ZSWIM8: variants seen among roughly 807,000 people sequenced by gnomAD.
The protein encoded by ZSWIM8 is zinc finger SWIM domain-containing protein 8.
Under a neutral mutation model 173.7 loss-of-function variants are expected in ZSWIM8, and 27 were observed. That is an observed-to-expected ratio of 0.16 (90% CI 0.11 to 0.21). The LOEUF (loss-of-function observed/expected upper bound fraction) is 0.21, where lower values mean the gene tolerates loss of function less well. Among genes scored for constraint, ZSWIM8 ranks in the 10% least tolerant of loss-of-function variants. ZSWIM8 has a pLI of 1.00. For missense variants in ZSWIM8, 1,627 were observed against 2,428.8 expected (o/e 0.67, Z 6.94); for synonymous variants, 958 against 962.0 (o/e 1.00, Z 0.08).
chr10:73,798,283 G>C lies in ZSWIM8; in HGVS notation c.4006G>C (p.Asp1336His). ...CCTGACTATACTGGTAGAATGCTGGGATGGGCACCTGACACCCCCTGAGGT... is the reference window on the plus strand; with the variant it reads ...CCTGACTATACTGGTAGAATGCTGGCATGGGCACCTGACACCCCCTGAGGT... ...AALTILVECW[D>H]GHLTPPEVAS... Residue 1336 changes from aspartate to histidine, a missense_variant, in exon 20 of 26, where the codon GAT (aspartate) becomes CAT (histidine). Physicochemically the swap from Asp to His is moderately conservative, Grantham distance 81 (BLOSUM62 -1). Transcript: ENST00000604729. 1 of 1,614,056 alleles carries C rather than the reference G, an allele frequency of 6.2e-7. No individual in the cohort carries two copies. Among genetic ancestry groups the C allele is most frequent in the Non-Finnish European group, 8.5e-7 (1 of 1,179,904 alleles).
rs1326242091 is a variant in ZSWIM8 at position 73,795,620 on chromosome 10, C to T, written c.2990C>T (p.Ala997Val). The change falls in exon 15 of 26, where the codon GCA (alanine) becomes GTA (valine). Residue 997 changes from alanine to valine, a missense_variant. By Grantham distance (64) the Ala-to-Val change is moderately conservative. Coordinates refer to ENST00000604729, the MANE Select transcript of ZSWIM8 (RefSeq NM_001367799.1). The stretch of plus-strand genomic sequence containing the variant: ...CGGGAGAAGGGTGACCTGGCATTAG[C>T]ACTAATGATCACTTACAAGGACGAC... ...TRREKGDLAL[A>V]LMITYKDDQA... 48 of 1,613,702 alleles carry T rather than the reference C, an allele frequency of 3.0e-5. No individual in the cohort carries two copies. Among genetic ancestry groups the T allele is most frequent in the Non-Finnish European group, 4.0e-5 (47 of 1,179,870 alleles).
intron 6 of ZSWIM8, 30 bp downstream of exon 6, chr10:73,790,067 G>A: frequency 6.2e-7 from 1 of 1,609,812 alleles, no homozygotes; most frequent in Non-Finnish European, 8.5e-7. Context: ...TTGGCAGTAG[G>A]AAGAAAGCCA....
At position 73,791,714 on chromosome 10, in the gene ZSWIM8, C is replaced by G; in HGVS notation, c.1320-145C>G. 1 of 1,270,716 alleles carries G rather than the reference C, an allele frequency of 7.9e-7. No individual in the cohort carries two copies. 78.7% of individuals were successfully genotyped at this position (1,270,716 alleles called of 1,614,324 possible). On this transcript the variant is annotated intron_variant, in intron 9 of 25. Transcript: ENST00000604729. This position sits in a 1 kb window ranked among gnomAD's most constrained non-coding sequence, Gnocchi z 6.0. ...ATAACACCCACTTTTCAAAATTCTC[C>G]AGTGTTTCAGTGATGCTTATGGGGC...
At chr10:73,796,662 C>G in intron 15 of ZSWIM8, 112 bp from the exon 16 acceptor site, 1 of 1,448,774 alleles carries the variant, frequency 6.9e-7, no homozygotes, top group Non-Finnish European at 9.2e-7. Context: ...GGGGAAGGCT[C>G]CCTGAGGATG....
At position 73,800,154 on chromosome 10, in the gene ZSWIM8, G is replaced by C. The variant is rs978203880; in HGVS notation, c.4809G>C (p.Leu1603=). 11 of 1,613,636 alleles carry C rather than the reference G, an allele frequency of 6.8e-6. No homozygotes were observed. In the East Asian group the frequency reaches 2.2e-4, roughly 33 times the overall value. ...HPYHTEPGLP[L]PTSVALSSVH... Reference sequence around the variant, plus strand: ...ACCACACAGAGCCAGGGCTTCCACTGCCCACCAGTGTGGCCTGTGAGTTGT... The same window carrying C: ...ACCACACAGAGCCAGGGCTTCCACTCCCCACCAGTGTGGCCTGTGAGTTGT... The change falls in exon 22 of 26, where the codon CTG becomes CTC. Residue 1603 remains leucine (L), a synonymous_variant. Coordinates refer to ENST00000604729, the MANE Select transcript of ZSWIM8 (RefSeq NM_001367799.1). This position sits in a 1 kb window ranked among gnomAD's most constrained non-coding sequence, Gnocchi z 4.1.
intron 21 of ZSWIM8, chr10:73,799,775 T>G: frequency 1.6e-6 from 1 of 625,822 alleles, no homozygotes. Flanking sequence ...TACTAAAAAT[T>G]AGCTGAGTGC....
chr10:73,793,441 C>CT, intron 10 of ZSWIM8, 147 bp from the exon 11 acceptor site: 3 of 827,044 alleles, frequency 3.6e-6, no homozygotes. Context: ...GTTTATGTGT[C>CT]TGTCTTTCTA....
In ZSWIM8 at chr10:73,785,610, G is replaced by A. The variant is rs546282195; in HGVS notation, c.-269G>A. 2 of 545,886 alleles carry A rather than the reference G, an allele frequency of 3.7e-6. No individual in the cohort carries two copies. Among genetic ancestry groups the A allele is most frequent in the African/African-American group, 2.0e-5 (1 of 50,168 alleles). The allele number at this position is 545,886 out of a possible 1,614,324, so 33.8% of individuals were successfully genotyped here. A position where few individuals can be genotyped will look rare whatever the true frequency, so the allele number is the denominator to read the frequency against. ...TGATGGGGGAGGCGGCTCCGCAGCC[G>A]CCTAGAGGCCCCAGCCGCCGAGCGC... On this transcript the variant is annotated 5_prime_UTR_variant, in exon 1 of 26. Coordinates refer to ENST00000604729, the MANE Select transcript of ZSWIM8 (RefSeq NM_001367799.1).
At position 73,792,945 on chromosome 10, in the gene ZSWIM8, A is replaced by G; in HGVS notation, c.2313+93A>G. On this transcript the variant is annotated intron_variant, in intron 10 of 25. Transcript: ENST00000604729. This position sits in a 1 kb window ranked among gnomAD's most constrained non-coding sequence, Gnocchi z 4.3. ...AGTTGGGAGTGTCAGGACCATCAGC[A>G]GGATTGTGAGAACCCTGTTGCAGGC... 8.3e-6 allele frequency: 12 copies of G among 1,437,786 alleles called. No individual in the cohort carries two copies. The highest frequency in any genetic ancestry group is 1.1e-5 in the Non-Finnish European group (12 of 1,080,874). 89.1% of individuals were successfully genotyped at this position (1,437,786 alleles called of 1,614,324 possible).
At position 73,798,988 on chromosome 10, in the gene ZSWIM8, C is replaced by T. The variant is rs1209734754; in HGVS notation, c.4177-14C>T. ...GGCCTTTCCCCCTTAACACTCTGTG[C>T]CCCTCTCTTCCAGGACAACCTGATG... On this transcript the variant is annotated splice_polypyrimidine_tract_variant and intron_variant, in intron 20 of 25. Coordinates refer to ENST00000604729, the MANE Select transcript of ZSWIM8 (RefSeq NM_001367799.1). 2 of 1,596,794 alleles carry T rather than the reference C, an allele frequency of 1.3e-6. No individual in the cohort carries two copies. Among genetic ancestry groups the T allele is most frequent in the South Asian group, 1.1e-5 (1 of 88,094 alleles).
In ZSWIM8 at chr10:73,801,526, C is replaced by T. The variant is rs528046417; in HGVS notation, c.*7C>T. Reference sequence around the variant, plus strand: ...GGCCACCTTCTCCCCCTGAGTCTTTCACCCTTAGGGTCCTATACAGGGACC... The same window carrying T: ...GGCCACCTTCTCCCCCTGAGTCTTTTACCCTTAGGGTCCTATACAGGGACC... On this transcript the variant is annotated 3_prime_UTR_variant, in exon 26 of 26. Coordinates refer to ENST00000604729, the MANE Select transcript of ZSWIM8 (RefSeq NM_001367799.1). This position sits in a 1 kb window ranked among gnomAD's most constrained non-coding sequence, Gnocchi z 4.9. The T allele has an allele frequency of 1.2e-6, 2 of 1,613,484 alleles. No individual in the cohort carries two copies. Among genetic ancestry groups the T allele is most frequent in the East Asian group, 4.5e-5 (2 of 44,874 alleles).
rs1019210569 is a variant in ZSWIM8, at chr10:73,793,535, C to T, written c.2314-53C>T. The T allele has an allele frequency of 8.5e-6, 13 of 1,525,460 alleles. No individual in the cohort carries two copies. In the South Asian group the frequency reaches 1.7e-4, roughly 20 times the overall value. 94.5% of individuals were successfully genotyped at this position (1,525,460 alleles called of 1,614,324 possible). ...TGGCTGCATGAGTGAGCATGATGTCCTGCTCCTGGAAGTTGGGACTTTAAC... is the reference window on the plus strand; with the variant it reads ...TGGCTGCATGAGTGAGCATGATGTCTTGCTCCTGGAAGTTGGGACTTTAAC... On this transcript the variant is annotated intron_variant, in intron 10 of 25. Coordinates refer to ENST00000604729, the MANE Select transcript of ZSWIM8 (RefSeq NM_001367799.1).
At position 73,800,730 on chromosome 10, in the gene ZSWIM8, A is replaced by G. The variant is rs2083908027; in HGVS notation, c.5093A>G (p.Lys1698Arg). 1 of 1,613,392 alleles carries G rather than the reference A, an allele frequency of 6.2e-7. No homozygotes were observed. Among genetic ancestry groups the G allele is most frequent in the Non-Finnish European group, 8.5e-7 (1 of 1,179,624 alleles). Residue 1698 changes from lysine (K) to arginine (R), a missense_variant, in exon 24 of 26, where the codon AAA becomes AGA. This residue lies in a region of ZSWIM8 where 122 missense variants were observed against 196.1 expected (regional missense o/e 0.62). Transcript: ENST00000604729. The surrounding 1 kb of genome is among the most constrained non-coding windows in gnomAD (Gnocchi z 4.1). ...SRSPPYTDDV[K>R]WLLGLAAKLG... Reference sequence around the variant, plus strand: ...TCCCCCCCCTACACTGATGATGTCAAATGGTTGCTGGGGCTGGCAGCAAAG... The same window carrying G: ...TCCCCCCCCTACACTGATGATGTCAGATGGTTGCTGGGGCTGGCAGCAAAG...
chr10:73,801,641 T>C lies in ZSWIM8; in HGVS notation c.*122T>C. 1 of 1,537,020 alleles carries C rather than the reference T, an allele frequency of 6.5e-7. No individual in the cohort carries two copies. On this transcript the variant is annotated 3_prime_UTR_variant, in exon 26 of 26. Coordinates refer to ENST00000604729, the MANE Select transcript of ZSWIM8 (RefSeq NM_001367799.1). This position sits in a 1 kb window ranked among gnomAD's most constrained non-coding sequence, Gnocchi z 4.9. The stretch of plus-strand genomic sequence containing the variant: ...CACTCAGTTCCCTGGTAGCACAGAC[T>C]GACAGCTGCTCTTGGGCTATAGCTT...
Position 73,785,870 on chromosome 10 carries a change from G to A in ZSWIM8, c.-9G>A. ...GGGGGGGGACCCGGCCCCGGGGGGTGCGGGCCCCATGGAGCTGATGTTTGC... is the reference window on the plus strand; with the variant it reads ...GGGGGGGGACCCGGCCCCGGGGGGTACGGGCCCCATGGAGCTGATGTTTGC... On this transcript the variant is annotated 5_prime_UTR_variant, in exon 1 of 26. Coordinates refer to ENST00000604729, the MANE Select transcript of ZSWIM8 (RefSeq NM_001367799.1). The A allele has an allele frequency of 6.6e-7, 1 of 1,505,680 alleles. No individual in the cohort carries two copies. Among genetic ancestry groups the A allele is most frequent in the Non-Finnish European group, 8.9e-7 (1 of 1,125,428 alleles). The allele number at this position is 1,505,680 out of a possible 1,614,324, so 93.3% of individuals were successfully genotyped here. A position where few individuals can be genotyped will look rare whatever the true frequency, so the allele number is the denominator to read the frequency against.
intron 14 of ZSWIM8, among the ~76,000 whole-genome samples, chr10:73,795,335 T>C (rs915018443): frequency 6.6e-6 from 1 of 152,182 alleles, no homozygotes; most frequent in East Asian, 1.9e-4. Context: ...GTAAGCAGAT[T>C]GGACCTGGTT....
rs1005661754 is a variant in ZSWIM8 at position 73,801,256 on chromosome 10, G to A, written c.5302-60G>A. 43 of 1,604,300 alleles carry A rather than the reference G, an allele frequency of 2.7e-5. No homozygotes were observed. The highest frequency in any genetic ancestry group is 1.7e-4 in the Middle Eastern group (1 of 6,056). On this transcript the variant is annotated intron_variant, in intron 25 of 25. Transcript: ENST00000604729. This position sits in a 1 kb window ranked among gnomAD's most constrained non-coding sequence, Gnocchi z 4.9. ...TTCCTGGGTGGTCTTGGACCAGAGGGAGGCAGGGCCTGTTTCTGTGCTTTG... is the reference window on the plus strand; with the variant it reads ...TTCCTGGGTGGTCTTGGACCAGAGGAAGGCAGGGCCTGTTTCTGTGCTTTG...
At position 73,793,883 on chromosome 10, in the gene ZSWIM8, T is replaced by C. The variant is rs2083514728; in HGVS notation, c.2464T>C (p.Ser822Pro). 1 of 1,610,208 alleles carries C rather than the reference T, an allele frequency of 6.2e-7. No individual in the cohort carries two copies. Among genetic ancestry groups the C allele is most frequent in the Non-Finnish European group, 8.5e-7 (1 of 1,178,570 alleles). Residue 822 changes from serine (S) to proline (P), a missense_variant, in exon 12 of 26, where the codon TCC (serine) becomes CCC (proline). Physicochemically the swap from Ser to Pro is moderately conservative, Grantham distance 74. Around this residue, in one of 18 missense-constraint regions of ZSWIM8, gnomAD observed 169 missense variants for 235.3 expected, o/e 0.72. Coordinates refer to ENST00000604729, the MANE Select transcript of ZSWIM8 (RefSeq NM_001367799.1). ...PPAKGKKNKV[S>P]TSRQTWVATN... Reference sequence around the variant, plus strand: ...TTTCTAGGGCAAGAAGAACAAGGTATCCACGAGCCGTCAGACCTGGGTGGC... The same window carrying C: ...TTTCTAGGGCAAGAAGAACAAGGTACCCACGAGCCGTCAGACCTGGGTGGC...
chr10:73,790,568 G>C (rs973428793), intron 7 of ZSWIM8, among the ~76,000 whole-genome samples: 2 of 152,168 alleles, frequency 1.3e-5, no homozygotes, highest in Admixed American at 1.3e-4. Context: ...AGTTTTTGTG[G>C]CTGGGGGCGG....
Sources: gnomAD v4.1 joint callset for allele counts (sites outside exome capture counted in the v4.1 genomes callset) on GRCh38, gnomAD v4.1.1 for gene constraint, gnomAD v4.1.1 regional missense constraint, Gnocchi (gnomAD v3.1) non-coding constraint, MANE v1.5 for transcripts, NCBI Gene and HGNC (gene_info 2026-07-23, HGNC 2026-07-21) for gene names.